Variants in PDGFRA observed in about 807,000 individuals in gnomAD.
PDGFRA encodes the protein platelet-derived growth factor receptor alpha.
PDGFRA carries 25 observed loss-of-function variants against 121.5 expected under a neutral mutation model. The ratio of observed to expected loss-of-function variants is 0.21; its 90% CI spans 0.15 to 0.29. The LOEUF (loss-of-function observed/expected upper bound fraction) is 0.29. PDGFRA is among the 10% of genes least tolerant of loss of function. The pLI is 1.00. For synonymous variants in PDGFRA, 463 were observed against 494.8 expected (o/e 0.94, Z 0.85); for missense variants, 1,008 against 1,345.1 (o/e 0.75, Z 3.92).
intron 1 of PDGFRA, among the ~76,000 whole-genome samples, chr4:54,249,556 T>G (rs1006841962): frequency 1.3e-5 from 2 of 151,998 alleles, no homozygotes; most frequent in Non-Finnish European, 2.9e-5. Flanking sequence ...ATGCCGCATA[T>G]TCTCACTCAT....
intron 1 of PDGFRA, among the ~76,000 whole-genome samples, chr4:54,256,607 C>T (rs535441276): frequency 2.6e-5 from 4 of 151,096 alleles, no homozygotes; most frequent in Admixed American, 2.0e-4. Flanking sequence ...TGCAATGGTG[C>T]GATCTCAGCT....
At chr4:54,243,792 A>C (rs368328577) in intron 1 of PDGFRA, 4 of 152,604 alleles carry the variant, frequency 2.6e-5, no homozygotes, top group African/African-American at 9.6e-5. Flanking sequence ...GCAAGGAGTC[A>C]GGGAGTTCCC....
At chr4:54,293,889 G>C (rs937917262) in intron 22 of PDGFRA, among the ~76,000 whole-genome samples, 1 of 146,388 alleles carries the variant, frequency 6.8e-6, no homozygotes, top group African/African-American at 2.5e-5. Context: ...GTGGCCCCTA[G>C]TTCAAGGTCC....
rs1217587040 is a variant in PDGFRA at position 54,230,160 on chromosome 4, G to T, written c.-13+745G>T. ...AGGCGGCTGCGGGACAAGCAGAGGC[G>T]CGCGGGCGTGGGCAAGGGTTTGGGG... On this transcript the variant is annotated intron_variant, in intron 1 of 22. Coordinates refer to ENST00000257290, the MANE Select transcript of PDGFRA (RefSeq NM_006206.6). Among the ~76,000 whole-genome samples, 6 of 152,178 alleles carry T rather than the reference G, an allele frequency of 3.9e-5. No individual in the cohort carries two copies. The East Asian group carries it at 1.2e-3, about 30-fold the overall frequency.
intron 12 of PDGFRA, among the ~76,000 whole-genome samples, chr4:54,275,628 A>G (rs1288652247): frequency 1.3e-5 from 2 of 152,252 alleles, no homozygotes; most frequent in East Asian, 3.8e-4. Flanking sequence ...CTAACAGTAT[A>G]TATGTTAAAG....
intron 1 of PDGFRA, chr4:54,239,897 C>CT (rs1219294593): frequency 6.5e-6 from 1 of 153,316 alleles, no homozygotes; most frequent in Non-Finnish European, 1.5e-5. Flanking sequence ...GTTGCCCAGG[C>CT]TGGAGTGCAG....
At position 54,261,159 on chromosome 4, in the gene PDGFRA, T is replaced by G. The variant is rs774990928; in HGVS notation, c.114T>G (p.Val38=). 6 of 1,614,180 alleles carry G rather than the reference T, an allele frequency of 3.7e-6. No homozygotes were observed. The South Asian group carries it at 6.6e-5, about 18-fold the overall frequency. Reference sequence around the variant, plus strand: ...TCCTTCCAAATGAAAATGAAAAGGTTGTGCAGCTGAATTCATCCTTTTCTC... The same window carrying G: ...TCCTTCCAAATGAAAATGAAAAGGTGGTGCAGCTGAATTCATCCTTTTCTC... ...PSILPNENEK[V]VQLNSSFSLR... is the part of the protein sequence containing the mutation. The change falls in exon 3 of 23, where the codon GTT becomes GTG. Residue 38 remains valine, a synonymous_variant. Transcript: ENST00000257290.
chr4:54,285,010 C>T (rs1250727739), intron 16 of PDGFRA, among the ~76,000 whole-genome samples: 1 of 151,278 alleles, frequency 6.6e-6, no homozygotes, highest in African/African-American at 2.4e-5. Flanking sequence ...TCCCCTGCCT[C>T]AGCCTCCTGA....
At chr4:54,278,547 A>G (rs1241828472) in intron 15 of PDGFRA, 32 bp downstream of exon 15, 8 of 1,604,920 alleles carry the variant, frequency 5.0e-6, no homozygotes, top group Non-Finnish European at 6.8e-6. Flanking sequence ...GCTGTCTATC[A>G]TTATCTTACA....
At chr4:54,289,274 G>A (rs1186330629) in intron 21 of PDGFRA, among the ~76,000 whole-genome samples, 160 bp downstream of exon 21, 5 of 152,138 alleles carry the variant, frequency 3.3e-5, no homozygotes, top group Non-Finnish European at 5.9e-5. Flanking sequence ...GACCCTAGTA[G>A]CAATGATGAA....
intron 1 of PDGFRA, among the ~76,000 whole-genome samples, chr4:54,245,133 G>A (rs1356284936): frequency 6.6e-6 from 1 of 152,190 alleles, no homozygotes; most frequent in Admixed American, 6.5e-5. Flanking sequence ...AACCAAGTTG[G>A]AAAACACTCT....
chr4:54,296,728 G>C lies in PDGFRA; in HGVS notation c.*1456G>C, dbSNP rs961651562. The C allele has an allele frequency of 8.6e-6, 2 of 232,808 alleles. No homozygotes were observed. Among genetic ancestry groups the C allele is most frequent in the Non-Finnish European group, 1.7e-5 (2 of 117,872 alleles). 14.4% of individuals were successfully genotyped at this position (232,808 alleles called of 1,614,324 possible). ...GCCAGTTTTCGGAAACACTGACTTA[G>C]GTTTCAGGAAGTTGCCATGGGAAAC... On this transcript the variant is annotated 3_prime_UTR_variant, in exon 23 of 23. Coordinates refer to ENST00000257290, the MANE Select transcript of PDGFRA (RefSeq NM_006206.6).
chr4:54,263,083 A>G (rs1722842585), intron 3 of PDGFRA, among the ~76,000 whole-genome samples: 1 of 152,048 alleles, frequency 6.6e-6, no homozygotes, highest in Non-Finnish European at 1.5e-5. Flanking sequence ...TTTAAATTTT[A>G]TGTATTTCTC....
chr4:54,297,541 A>G lies in PDGFRA; in HGVS notation c.*2269A>G, dbSNP rs1724934301. 4.3e-6 allele frequency: 1 copy of G among 233,484 alleles called. No homozygotes were observed. The highest frequency in any genetic ancestry group is 1.8e-4 in the South Asian group (1 of 5,526). 14.5% of individuals were successfully genotyped at this position (233,484 alleles called of 1,614,324 possible). A position where few individuals can be genotyped will look rare whatever the true frequency, so the allele number is the denominator to read the frequency against. The stretch of plus-strand genomic sequence containing the variant: ...CAGCCTTATTTTGTTGGTGCTTTGC[A>G]TTTTGATATTGCTGTGAGCCTTGCA... On this transcript the variant is annotated 3_prime_UTR_variant, in exon 23 of 23. Coordinates refer to ENST00000257290, the MANE Select transcript of PDGFRA (RefSeq NM_006206.6).
At chr4:54,240,148 TG>T in intron 1 of PDGFRA, 1 of 239,760 alleles carries the variant, frequency 4.2e-6, no homozygotes, top group South Asian at 3.9e-5. Flanking sequence ...CCACTGCACC[TG>T]GCCTCTCTTT....
intron 1 of PDGFRA, among the ~76,000 whole-genome samples, chr4:54,248,879 C>A (rs1335318337): frequency 6.6e-6 from 1 of 152,050 alleles, no homozygotes; most frequent in Admixed American, 6.6e-5. Flanking sequence ...AGGAAAAAAA[C>A]AAACAACCCC....
At chr4:54,273,813 T>C in intron 10 of PDGFRA, 83 bp downstream of exon 10, 1 of 1,038,626 alleles carries the variant, frequency 9.6e-7, no homozygotes, top group Non-Finnish European at 1.5e-6. Flanking sequence ...ATAGGGGTTA[T>C]ATAGAAATGA....
At chr4:54,247,653 A>G (rs1457081269) in intron 1 of PDGFRA, among the ~76,000 whole-genome samples, 1 of 152,172 alleles carries the variant, frequency 6.6e-6, no homozygotes, top group Non-Finnish European at 1.5e-5. Flanking sequence ...TCCCTTTGAA[A>G]ACTGGCACAA....
chr4:54,273,226 G>A (rs147255532), intron 9 of PDGFRA, among the ~76,000 whole-genome samples: 12 of 152,290 alleles, frequency 7.9e-5, no homozygotes, highest in African/African-American at 2.6e-4. Flanking sequence ...CATTAAATAT[G>A]GTTGAAGTTG....
Sources: allele counts gnomAD v4.1 joint callset (sites outside exome capture counted in the v4.1 genomes callset), GRCh38; gene constraint gnomAD v4.1.1; transcripts MANE v1.5; gene names NCBI Gene and HGNC (gene_info 2026-07-23, HGNC 2026-07-21).